Variants in REG3A observed in about 807,000 individuals in gnomAD.
REG3A encodes regenerating family member 3 alpha.
REG3A carries 15 observed loss-of-function variants against 20.5 expected under a neutral mutation model. That is an observed-to-expected ratio of 0.73 (90% CI 0.49 to 1.12). REG3A has a LOEUF of 1.12. REG3A is among the 50% of genes most tolerant of loss of function. The probability of loss-of-function intolerance (pLI) is 0.00; values close to 1 mark genes in which losing one functional copy is unlikely to be tolerated. For synonymous variants in REG3A, 93 were observed against 83.2 expected (o/e 1.12, Z -0.64); for missense variants, 224 against 213.1 (o/e 1.05, Z -0.32).
intron 3 of REG3A, 79 bp downstream of exon 3, chr2:79,158,572 A>G: frequency 6.2e-7 from 1 of 1,605,632 alleles, no homozygotes; most frequent in Non-Finnish European, 8.5e-7. Context: ...GTTCATCCTC[A>G]TTCCCAAGGA....
intron 2 of REG3A, 187 bp downstream of exon 2, chr2:79,159,143 C>A: frequency 1.6e-6 from 1 of 627,116 alleles, no homozygotes; most frequent in Non-Finnish European, 2.8e-6. Flanking sequence ...TCTCATTCCA[C>A]TGTTAGTGGA....
Position 79,159,362 on chromosome 2 carries a change from A to G in REG3A, c.44T>C (p.Leu15Pro). ...MALPSVSWML[L>P]SCLMLLSQVQ... ...CTGAGACAGCAGCATGAGGCAGGAA[A>G]GCAGCATCCAAGATACACTGGGCAG... The change falls in exon 2 of 6, where the codon CTT becomes CCT. Residue 15 changes from leucine to proline, a missense_variant. Leu to Pro is a moderately conservative substitution (Grantham distance 98, BLOSUM62 -3). Coordinates refer to ENST00000305165, the MANE Select transcript of REG3A (RefSeq NM_002580.3). 1 of 1,613,964 alleles carries G rather than the reference A, an allele frequency of 6.2e-7. No homozygotes were observed. The highest frequency in any genetic ancestry group is 8.5e-7 in the Non-Finnish European group (1 of 1,179,970).
rs146653158 is a variant in REG3A at position 79,157,592 on chromosome 2, G to A, written c.440C>T (p.Ala147Val). 7.3e-5 allele frequency: 118 copies of A among 1,614,136 alleles called. No individual in the cohort carries two copies. The highest frequency in any genetic ancestry group is 4.2e-4 in the Admixed American group (25 of 60,028). Residue 147 changes from alanine (A) to valine (V), a missense_variant, in exon 5 of 6, where the codon GCG becomes GTG. Ala to Val is a moderately conservative substitution (Grantham distance 64). Coordinates refer to ENST00000305165, the MANE Select transcript of REG3A (RefSeq NM_002580.3). ...CTTACCTGTGCTTCTCGACAGGCTC[G>A]CACAGTGGCCGGGGCTTGAGATGGT... ...PSTISSPGHC[A>V]SLSRSTAFLR...
chr2:79,159,024 G>C (rs1673385632), intron 2 of REG3A: 2 of 577,490 alleles, frequency 3.5e-6, no homozygotes, highest in Non-Finnish European at 6.2e-6. Context: ...TCTACATTGG[G>C]TCCTCCAATC....
At chr2:79,158,837 G>A in intron 2 of REG3A, 68 bp from the exon 3 acceptor site, 1 of 1,187,232 alleles carries the variant, frequency 8.4e-7, no homozygotes, top group South Asian at 1.4e-5. Context: ...TGACCTTGGG[G>A]AATACCTAGG....
chr2:79,158,210 AAT>A, intron 4 of REG3A, 114 bp downstream of exon 4: 2 of 1,239,334 alleles, frequency 1.6e-6, no homozygotes, highest in Non-Finnish European at 1.1e-6. Flanking sequence ...TATTCCCCAG[AAT>A]CTGAGCTCCA....
At chr2:79,158,973 C>G in intron 2 of REG3A, 4 of 593,822 alleles carry the variant, frequency 6.7e-6, no homozygotes, top group Non-Finnish European at 9.0e-6. Flanking sequence ...TACCCTTTCC[C>G]CTTATTCAAC....
rs370821567 is a variant in REG3A, at chr2:79,158,619, G to A, written c.195+32C>T. 2.1e-4 allele frequency: 346 copies of A among 1,610,900 alleles called. No homozygotes were observed. The African/African-American group carries it at 2.7e-3, about 12-fold the overall frequency. On this transcript the variant is annotated intron_variant, in intron 3 of 5. Coordinates refer to ENST00000305165, the MANE Select transcript of REG3A (RefSeq NM_002580.3). Reference sequence around the variant, plus strand: ...TGGAGACCCTCCTCCCCCTGAGACCGGTCACCTCCAACACCACATCTAACC... The same window carrying A: ...TGGAGACCCTCCTCCCCCTGAGACCAGTCACCTCCAACACCACATCTAACC...
intron 2 of REG3A, 44 bp downstream of exon 2, chr2:79,159,286 G>GAGGATTCAT: frequency 6.3e-7 from 1 of 1,596,796 alleles, no homozygotes; most frequent in Middle Eastern, 1.7e-4. Context: ...TGTTAGCTCT[G>GAGGATTCAT]AGGATTCATA....
chr2:79,159,602 C>G (rs1363607657), intron 1 of REG3A, 126 bp downstream of exon 1: 1 of 586,434 alleles, frequency 1.7e-6, no homozygotes, highest in East Asian at 2.9e-5. Context: ...CCCGAGCCCT[C>G]CCAGGACACC....
rs184620715 is a variant in REG3A at position 79,158,319 on chromosome 2, C to T, written c.333+7G>A. 6.4e-5 allele frequency: 104 copies of T among 1,612,934 alleles called. No individual in the cohort carries two copies. The African/African-American group carries it at 1.1e-3, about 17-fold the overall frequency. ...GAGGTAACAGAGAGGGGAGGATATA[C>T]TGGCACCTGTGTGGGGTCATGGAGC... On this transcript the variant is annotated splice_region_variant and intron_variant, in intron 4 of 5. Transcript: ENST00000305165.
chr2:79,158,388 G>T lies in REG3A; in HGVS notation c.271C>A (p.Leu91Met). Reference protein sequence around the residue: ...SGAEGSFVSSLVKSIGNSYSY... With the variant: ...SGAEGSFVSSMVKSIGNSYSY... ...TAGCTGTTACCAATGCTCTTCACCA[G>T]GGAGGACACGAAGGATCCCTCAGCC... Residue 91 changes from leucine (L) to methionine (M), a missense_variant, in exon 4 of 6, where the codon CTG becomes ATG. By Grantham distance (15) the Leu-to-Met change is conservative. Coordinates refer to ENST00000305165, the MANE Select transcript of REG3A (RefSeq NM_002580.3). The T allele has an allele frequency of 6.2e-7, 1 of 1,614,158 alleles. No individual in the cohort carries two copies. The highest frequency in any genetic ancestry group is 8.5e-7 in the Non-Finnish European group (1 of 1,180,036).
At chr2:79,157,353 G>T in intron 5 of REG3A, 60 bp from the exon 6 acceptor site, 2 of 1,537,392 alleles carry the variant, frequency 1.3e-6, no homozygotes, top group Middle Eastern at 3.4e-4. Context: ...TCCAATGAAG[G>T]GGCATCCCAG....
Position 79,159,141 on chromosome 2 carries a change from C to T in REG3A, c.76+189G>A, listed in dbSNP as rs1356848346. 6.4e-6 allele frequency: 4 copies of T among 622,684 alleles called. No homozygotes were observed. The Admixed American group carries it at 8.6e-5, about 13-fold the overall frequency. 38.6% of individuals were successfully genotyped at this position (622,684 alleles called of 1,614,324 possible). ...TGACTAAATGGAAGCCATCTCATTC[C>T]ACTGTTAGTGGACCACCATGGAGCC... On this transcript the variant is annotated intron_variant, in intron 2 of 5. Coordinates refer to ENST00000305165, the MANE Select transcript of REG3A (RefSeq NM_002580.3).
rs941724932 is a variant in REG3A, at chr2:79,159,248, A to G, written c.76+82T>C. The G allele has an allele frequency of 6.3e-6, 9 of 1,425,576 alleles. No individual in the cohort carries two copies. The African/African-American group carries it at 1.3e-4, about 20-fold the overall frequency. 88.3% of individuals were successfully genotyped at this position (1,425,576 alleles called of 1,614,324 possible). On this transcript the variant is annotated intron_variant, in intron 2 of 5. Transcript: ENST00000305165. Reference sequence around the variant, plus strand: ...TCATTAGACACCACGTCATTACCTCACATGACACACAGGAGCCTTCCTCCT... The same window carrying G: ...TCATTAGACACCACGTCATTACCTCGCATGACACACAGGAGCCTTCCTCCT...
In REG3A at chr2:79,158,055, A is replaced by G. The variant is rs955285352; in HGVS notation, c.333+271T>C. On this transcript the variant is annotated intron_variant, in intron 4 of 5. Coordinates refer to ENST00000305165, the MANE Select transcript of REG3A (RefSeq NM_002580.3). ...CTTCAGAATAGTAGGCAAAGACTCC[A>G]TGAAGCTCAGAGAATTGTTAACCCA... Among the ~76,000 whole-genome samples the G allele has an allele frequency of 3.3e-5, 5 of 152,338 alleles. No individual in the cohort carries two copies. The South Asian group carries it at 6.2e-4, about 19-fold the overall frequency.
At position 79,158,358 on chromosome 2, in the gene REG3A, A is replaced by G; in HGVS notation, c.301T>C (p.Tyr101His). The G allele has an allele frequency of 1.9e-6, 3 of 1,614,150 alleles. No individual in the cohort carries two copies. Among genetic ancestry groups the G allele is most frequent in the Non-Finnish European group, 2.5e-6 (3 of 1,180,008 alleles). ...LVKSIGNSYS[Y>H]VWIGLHDPTQ... ...GGGTCATGGAGCCCAATCCAGACGT[A>G]TGAGTAGCTGTTACCAATGCTCTTC... Residue 101 changes from tyrosine to histidine, a missense_variant, in exon 4 of 6, where the codon TAC becomes CAC. Transcript: ENST00000305165.
chr2:79,159,493 C>G, intron 1 of REG3A, 54 bp from the exon 2 acceptor site: 1 of 1,305,344 alleles, frequency 7.7e-7, no homozygotes. Flanking sequence ...TGCCTCATGT[C>G]ATTTTCCTTC....
At chr2:79,157,919 A>G in intron 4 of REG3A, among the ~76,000 whole-genome samples, 1 of 152,202 alleles carries the variant, frequency 6.6e-6, no homozygotes, top group East Asian at 1.9e-4. Context: ...AAGGTAATAT[A>G]TTATTTGCAG....
Sources: allele counts gnomAD v4.1 joint callset (sites outside exome capture counted in the v4.1 genomes callset), GRCh38; gene constraint gnomAD v4.1.1; transcripts MANE v1.5; gene names NCBI Gene and HGNC (gene_info 2026-07-23, HGNC 2026-07-21).